The following MPDZ variants were observed in gnomAD, a reference collection of about 807,000 sequenced individuals.
MPDZ encodes the protein multiple PDZ domain protein.
MPDZ carries 234 observed loss-of-function variants against 239.1 expected under a neutral mutation model. That is an observed-to-expected ratio of 0.98 (90% CI 0.88 to 1.09). The LOEUF (loss-of-function observed/expected upper bound fraction) is 1.09. Among genes scored for constraint, MPDZ ranks in the 50% least tolerant of loss-of-function variants. The probability of loss-of-function intolerance (pLI) is 0.00; values close to 1 mark genes in which losing one functional copy is unlikely to be tolerated. For missense variants in MPDZ, 3,175 were observed against 2,510.0 expected (o/e 1.26, Z -5.66); for synonymous variants, 1,048 against 881.3 (o/e 1.19, Z -3.35).
At position 13,122,075 on chromosome 9, in the gene MPDZ, G is replaced by A. The variant is rs1476211346; in HGVS notation, c.5037+12C>T. The A allele has an allele frequency of 3.1e-6, 5 of 1,613,236 alleles. No homozygotes were observed. Among genetic ancestry groups the A allele is most frequent in the African/African-American group, 1.3e-5 (1 of 74,858 alleles). On this transcript the variant is annotated intron_variant, in intron 37 of 46. Coordinates refer to ENST00000319217, the MANE Select transcript of MPDZ (RefSeq NM_001378778.1). ...CTGTTAATTTTGAAGGTCAAAAACA[G>A]GCATTCTATACCTCTAAGATCTGAT...
chr9:13,171,112 A>G (rs1031050273), intron 21 of MPDZ, among the ~76,000 whole-genome samples: 2 of 152,200 alleles, frequency 1.3e-5, no homozygotes, highest in African/African-American at 4.8e-5. Flanking sequence ...AAAAGGGATG[A>G]CATTTACTCT....
intron 32 of MPDZ, among the ~76,000 whole-genome samples, chr9:13,128,482 G>C (rs545576843): frequency 2.0e-5 from 3 of 152,334 alleles, no homozygotes; most frequent in Admixed American, 6.5e-5. Context: ...AGCTGGCAAT[G>C]TGTCGGCAAT....
chr9:13,229,353 G>A (rs1788906882), intron 3 of MPDZ, among the ~76,000 whole-genome samples: 1 of 151,906 alleles, frequency 6.6e-6, no homozygotes, highest in Admixed American at 6.6e-5. Context: ...CATCTTAGAG[G>A]CTGACTAGAA....
intron 25 of MPDZ, among the ~76,000 whole-genome samples, chr9:13,149,091 G>T (rs369652349): frequency 6.6e-6 from 1 of 151,768 alleles, no homozygotes; most frequent in African/African-American, 2.4e-5. Context: ...TTTAGGTAGT[G>T]TCCTAAATAA....
chr9:13,255,321 TAA>T (rs750498042), intron 1 of MPDZ, among the ~76,000 whole-genome samples: 1 of 152,212 alleles, frequency 6.6e-6, no homozygotes, highest in Non-Finnish European at 1.5e-5. Flanking sequence ...GTGTTATTCA[TAA>T]GAGTTTCAGA....
intron 25 of MPDZ, among the ~76,000 whole-genome samples, chr9:13,148,178 C>T (rs1009665851): frequency 1.3e-5 from 2 of 151,960 alleles, no homozygotes; most frequent in African/African-American, 4.8e-5. Flanking sequence ...CAAAAGAATC[C>T]TTGCAGTAGA....
intron 21 of MPDZ, among the ~76,000 whole-genome samples, chr9:13,174,382 C>A (rs1212714093): frequency 6.6e-6 from 1 of 152,244 alleles, no homozygotes; most frequent in Non-Finnish European, 1.5e-5. Context: ...TGAGTAAATA[C>A]ACTAGAATAA....
chr9:13,110,182 TTC>T, intron 44 of MPDZ, 118 bp from the exon 45 acceptor site: 1 of 719,854 alleles, frequency 1.4e-6, no homozygotes. Context: ...ATTTAAACAT[TTC>T]TGTTAACATA....
intron 1 of MPDZ, among the ~76,000 whole-genome samples, chr9:13,251,873 T>C (rs1340926017): frequency 6.6e-6 from 1 of 152,194 alleles, no homozygotes; most frequent in African/African-American, 2.4e-5. Context: ...TGCCTTTGTG[T>C]CAAGAAAAGA....
At chr9:13,243,614 G>A (rs955728053) in intron 3 of MPDZ, among the ~76,000 whole-genome samples, 18 of 152,024 alleles carry the variant, frequency 1.2e-4, no homozygotes, top group East Asian at 1.9e-4. Context: ...CTCATTTCAC[G>A]AAAAAATTTC....
intron 30 of MPDZ, among the ~76,000 whole-genome samples, 177 bp downstream of exon 30, chr9:13,136,535 C>A (rs1377237644): frequency 6.6e-6 from 1 of 151,480 alleles, no homozygotes; most frequent in African/African-American, 2.4e-5. Context: ...ACCATGTAAG[C>A]CAGGATGGTC....
intron 15 of MPDZ, among the ~76,000 whole-genome samples, chr9:13,191,308 C>T (rs1016952259): frequency 6.6e-6 from 1 of 152,094 alleles, no homozygotes; most frequent in Non-Finnish European, 1.5e-5. Flanking sequence ...TTCCATTGTA[C>T]TGATTCATTC....
chr9:13,196,103 G>A lies in MPDZ; in HGVS notation c.1656+18C>T, dbSNP rs371395545. Reference sequence around the variant, plus strand: ...TACAGTTACAAGTTAGAAAATTACAGAAGGTCAGCTAACCTACCACTATTT... The same window carrying A: ...TACAGTTACAAGTTAGAAAATTACAAAAGGTCAGCTAACCTACCACTATTT... On this transcript the variant is annotated intron_variant, in intron 13 of 46. Coordinates refer to ENST00000319217, the MANE Select transcript of MPDZ (RefSeq NM_001378778.1). 1.3e-6 allele frequency: 2 copies of A among 1,512,222 alleles called. No individual in the cohort carries two copies. 93.7% of individuals were successfully genotyped at this position (1,512,222 alleles called of 1,614,324 possible).
chr9:13,145,560 G>C (rs1043398968), intron 26 of MPDZ, among the ~76,000 whole-genome samples: 1 of 151,972 alleles, frequency 6.6e-6, no homozygotes, highest in African/African-American at 2.4e-5. Context: ...GTTCCTTTTA[G>C]ATTACTGGAG....
Position 13,122,295 on chromosome 9 carries a change from G to GTACAAGC in MPDZ, c.4954-132_4954-126dup. The stretch of plus-strand genomic sequence containing the variant: ...AAGGGTTATAAACTCTGGCTCTACA[G>GTACAAGC]TACAAGCTCCATATAATTCAAGGGA... On this transcript the variant is annotated intron_variant, in intron 36 of 46. Transcript: ENST00000319217. The GTACAAGC allele has an allele frequency of 5.1e-6, 4 of 791,226 alleles. No homozygotes were observed. In the South Asian group the frequency reaches 7.4e-5, roughly 15 times the overall value. 49.0% of individuals were successfully genotyped at this position (791,226 alleles called of 1,614,324 possible). A position where few individuals can be genotyped will look rare whatever the true frequency, so the allele number is the denominator to read the frequency against.
At chr9:13,114,130 G>T in intron 40 of MPDZ, 109 bp from the exon 41 acceptor site, 1 of 850,554 alleles carries the variant, frequency 1.2e-6, no homozygotes, top group Non-Finnish European at 1.8e-6. Context: ...AGCAACAGTG[G>T]CATTTGATAA....
intron 10 of MPDZ, 84 bp from the exon 11 acceptor site, chr9:13,206,183 G>T (rs1273423369): frequency 1.5e-5 from 19 of 1,250,456 alleles, no homozygotes; most frequent in Non-Finnish European, 1.1e-6. Context: ...TGTATGTATA[G>T]TTGTTAGTGT....
intron 10 of MPDZ, among the ~76,000 whole-genome samples, chr9:13,206,365 G>GGTAGGACACA (rs905353977): frequency 1.3e-5 from 2 of 151,834 alleles, no homozygotes; most frequent in African/African-American, 4.8e-5. Context: ...CTAGTTCTAG[G>GGTAGGACACA]GTAGGACACA....
intron 1 of MPDZ, among the ~76,000 whole-genome samples, chr9:13,259,373 C>T (rs1379235435): frequency 6.6e-6 from 1 of 152,130 alleles, no homozygotes; most frequent in East Asian, 2.0e-4. Context: ...CAGGGAAGGT[C>T]AAGGGAGTAG....
Sources: allele counts gnomAD v4.1 joint callset (sites outside exome capture counted in the v4.1 genomes callset), GRCh38; gene constraint gnomAD v4.1.1; transcripts MANE v1.5; gene names NCBI Gene and HGNC (gene_info 2026-07-23, HGNC 2026-07-21).